Variants in AKAP6 observed in about 807,000 individuals in gnomAD.
AKAP6 encodes the protein A-kinase anchor protein 6.
AKAP6 carries 58 observed loss-of-function variants against 188.5 expected under a neutral mutation model. The ratio of observed to expected loss-of-function variants is 0.31; its 90% CI spans 0.25 to 0.38. The LOEUF (loss-of-function observed/expected upper bound fraction) is 0.38. Ranked by LOEUF, AKAP6 falls within the 10% of genes least tolerant of loss-of-function variation. The probability of loss-of-function intolerance (pLI) is 1.00; values close to 1 mark genes in which losing one functional copy is unlikely to be tolerated. For missense variants in AKAP6, 2,710 were observed against 2,740.0 expected, an observed-to-expected ratio of 0.99 and a Z score of 0.24; for synonymous variants, 989 against 998.6, an observed-to-expected ratio of 0.99 and a Z score of 0.18.
chr14:32,509,704 A>AC (rs932789257), intron 2 of AKAP6, among the ~76,000 whole-genome samples: 20 of 152,100 alleles, frequency 1.3e-4, no homozygotes, highest in Non-Finnish European at 2.2e-4. Flanking sequence ...GCTCCAGGAC[A>AC]CCAGTCTCCT....
chr14:32,573,731 A>T (rs558247514), intron 4 of AKAP6, among the ~76,000 whole-genome samples: 5 of 152,188 alleles, frequency 3.3e-5, no homozygotes, highest in African/African-American at 1.2e-4. Context: ...TAATTTTTAA[A>T]TTTTTTTTCC....
Position 32,584,501 on chromosome 14 carries a change from C to T in AKAP6, c.2469+7259C>T, listed in dbSNP as rs536853517. Reference sequence around the variant, plus strand: ...GATGCAAAACCATGCATAAAGGGGACTACTGTATACAATTTTATGAGTTTT... The same window carrying T: ...GATGCAAAACCATGCATAAAGGGGATTACTGTATACAATTTTATGAGTTTT... On this transcript the variant is annotated intron_variant, in intron 5 of 13. Coordinates refer to ENST00000280979, the MANE Select transcript of AKAP6 (RefSeq NM_004274.5). 3.3e-5 allele frequency among the ~76,000 whole-genome samples: 5 copies of T among 152,286 alleles called. No homozygotes were observed. In the South Asian group the frequency reaches 1.0e-3, roughly 32 times the overall value.
At chr14:32,787,229 G>GA (rs1278175523) in intron 12 of AKAP6, among the ~76,000 whole-genome samples, 2 of 152,160 alleles carry the variant, frequency 1.3e-5, no homozygotes, top group East Asian at 1.9e-4. Flanking sequence ...GAAAGGGGGG[G>GA]AACCCCACAC....
intron 1 of AKAP6, among the ~76,000 whole-genome samples, chr14:32,388,673 T>G (rs1043206856): frequency 2.0e-5 from 3 of 152,152 alleles, no homozygotes; most frequent in Non-Finnish European, 4.4e-5. Context: ...AGGTTCCTTT[T>G]GGAGTTGATT....
intron 2 of AKAP6, among the ~76,000 whole-genome samples, chr14:32,473,030 C>G (rs1458537662): frequency 6.6e-6 from 1 of 152,194 alleles, no homozygotes; most frequent in African/African-American, 2.4e-5. Flanking sequence ...AGCCCAGAAG[C>G]TCACCCAAAC....
intron 10 of AKAP6, among the ~76,000 whole-genome samples, chr14:32,735,329 C>A (rs2031364399): frequency 6.6e-6 from 1 of 152,040 alleles, no homozygotes; most frequent in Non-Finnish European, 1.5e-5. Flanking sequence ...CCAAAAAATT[C>A]AAATGAATTT....
chr14:32,552,951 C>G (rs1883538287), intron 4 of AKAP6, among the ~76,000 whole-genome samples: 1 of 152,048 alleles, frequency 6.6e-6, no homozygotes, highest in Admixed American at 6.5e-5. Flanking sequence ...ATTAACTCAT[C>G]ATGGCAGAGT....
chr14:32,714,262 A>G lies in AKAP6; in HGVS notation c.3000+18152A>G, dbSNP rs571206634. Reference sequence around the variant, plus strand: ...GATCATCATAACAGATAAAATAATAATGAAAAATTTGAAATATTGACCAAA... The same window carrying G: ...GATCATCATAACAGATAAAATAATAGTGAAAAATTTGAAATATTGACCAAA... On this transcript the variant is annotated intron_variant, in intron 9 of 13. Coordinates refer to ENST00000280979, the MANE Select transcript of AKAP6 (RefSeq NM_004274.5). Among the ~76,000 whole-genome samples, 5 of 152,150 alleles carry G rather than the reference A, an allele frequency of 3.3e-5. No homozygotes were observed. In the South Asian group the frequency reaches 1.0e-3, roughly 32 times the overall value.
intron 1 of AKAP6, among the ~76,000 whole-genome samples, chr14:32,428,295 T>A (rs1278789392): frequency 6.6e-5 from 10 of 152,184 alleles, no homozygotes; most frequent in Admixed American, 6.5e-4. Context: ...CATCACTGCT[T>A]GTTTGCAAAA....
At chr14:32,818,506 G>GTT (rs750172192) in intron 12 of AKAP6, among the ~76,000 whole-genome samples, 1 of 142,230 alleles carries the variant, frequency 7.0e-6, no homozygotes. Context: ...GAAAACTTGG[G>GTT]TTTTTTTTTT....
chr14:32,565,011 C>T (rs989716529), intron 4 of AKAP6, among the ~76,000 whole-genome samples: 3 of 152,156 alleles, frequency 2.0e-5, no homozygotes, highest in African/African-American at 7.2e-5. Context: ...AGATAGACAA[C>T]AGAATGACGG....
intron 1 of AKAP6, among the ~76,000 whole-genome samples, chr14:32,352,800 T>C (rs1035696320): frequency 2.0e-5 from 3 of 152,248 alleles, no homozygotes; most frequent in Admixed American, 6.5e-5. Context: ...TATTCATCCA[T>C]TGATGGACAC....
intron 7 of AKAP6, among the ~76,000 whole-genome samples, chr14:32,629,490 A>T (rs1462227967): frequency 6.8e-6 from 1 of 146,934 alleles, no homozygotes; most frequent in Non-Finnish European, 1.5e-5. Flanking sequence ...TGTGAAAGCC[A>T]TTTGAGTATA....
chr14:32,579,381 C>T (rs1344206424), intron 5 of AKAP6, among the ~76,000 whole-genome samples: 2 of 152,102 alleles, frequency 1.3e-5, no homozygotes, highest in African/African-American at 4.8e-5. Context: ...TATCCCATGT[C>T]TGATTATATT....
At chr14:32,456,046 G>T (rs184675010) in intron 2 of AKAP6, among the ~76,000 whole-genome samples, 1 of 151,460 alleles carries the variant, frequency 6.6e-6, no homozygotes. Flanking sequence ...GTTTTTTTTC[G>T]GTGGTAGAGG....
intron 4 of AKAP6, among the ~76,000 whole-genome samples, chr14:32,551,496 C>CG (rs1883460223): frequency 6.9e-6 from 1 of 145,578 alleles, no homozygotes; most frequent in Non-Finnish European, 1.5e-5. Context: ...TGCTTGAACC[C>CG]GGGAGGTGGA....
At chr14:32,459,546 A>G (rs1891254296) in intron 2 of AKAP6, among the ~76,000 whole-genome samples, 1 of 151,982 alleles carries the variant, frequency 6.6e-6, no homozygotes, top group South Asian at 2.1e-4. Flanking sequence ...CTGAAATAAG[A>G]TTTAAATGAT....
At chr14:32,519,293 G>A (rs994137710) in intron 2 of AKAP6, among the ~76,000 whole-genome samples, 2 of 152,140 alleles carry the variant, frequency 1.3e-5, no homozygotes, top group African/African-American at 4.8e-5. Context: ...CAACTAACGA[G>A]CAAAATAACC....
At chr14:32,734,211 T>C (rs548191062) in intron 10 of AKAP6, 1 of 152,208 alleles carries the variant, frequency 6.6e-6, no homozygotes, top group African/African-American at 2.4e-5. Flanking sequence ...ATTGGCATGA[T>C]TACATTTTAA....
Sources: allele counts gnomAD v4.1 joint callset (sites outside exome capture counted in the v4.1 genomes callset), GRCh38; gene constraint gnomAD v4.1.1; transcripts MANE v1.5; gene names NCBI Gene and HGNC (gene_info 2026-07-23, HGNC 2026-07-21).